The following TLK1 variants were observed in gnomAD, a reference collection of about 807,000 sequenced individuals.
TLK1 encodes tousled like kinase 1, also known as serine/threonine-protein kinase tousled-like 1.
TLK1 carries 24 observed loss-of-function variants against 105.3 expected under a neutral mutation model. The ratio of observed to expected loss-of-function variants is 0.23; its 90% confidence interval spans 0.17 to 0.32. The LOEUF (loss-of-function observed/expected upper bound fraction) is 0.32. TLK1 is among the 10% of genes least tolerant of loss of function. TLK1 has a pLI of 1.00. For synonymous variants in TLK1, 321 were observed against 310.4 expected (o/e 1.03, Z -0.36); for missense variants, 558 against 910.5 (o/e 0.61, Z 4.98).
chr2:171,181,821 C>T lies in TLK1; in HGVS notation c.-6+49324G>A, dbSNP rs992171065. On this transcript the variant is annotated intron_variant, in intron 1 of 20. Coordinates refer to the TLK1 transcript ENST00000521943. The stretch of plus-strand genomic sequence containing the variant: ...AGGGATCAAATTTCAATGTGAGATT[C>T]GAAGGGGTAGAGCATTCAAACTACG... Among the ~76,000 whole-genome samples the T allele has an allele frequency of 2.0e-5, 3 of 152,072 alleles. No homozygotes were observed. In the East Asian group the frequency reaches 5.8e-4, roughly 29 times the overall value.
intron 1 of TLK1, chr2:171,155,793 T>A (rs1325895274): frequency 1.3e-5 from 2 of 152,210 alleles, no homozygotes; most frequent in African/African-American, 4.8e-5. Context: ...CTAGTTGTCA[T>A]ACAGTTCTTA....
intron 20 of TLK1, among the ~76,000 whole-genome samples, chr2:170,995,155 G>A (rs1169053341): frequency 6.6e-6 from 1 of 151,914 alleles, no homozygotes. Context: ...AAATGATTAA[G>A]AGGGAAAAAA....
At chr2:171,096,503 T>C (rs1322392211) in intron 2 of TLK1, among the ~76,000 whole-genome samples, 1 of 152,164 alleles carries the variant, frequency 6.6e-6, no homozygotes, top group African/African-American at 2.4e-5. Flanking sequence ...ATGCCTGTAA[T>C]CCCAGCACAT....
At chr2:171,117,666 A>C in intron 2 of TLK1, 73 bp downstream of exon 2, 1 of 1,173,592 alleles carries the variant, frequency 8.5e-7, no homozygotes, top group South Asian at 1.4e-5. Flanking sequence ...GTTATGTAGG[A>C]ATCCTTTACA....
At chr2:171,195,256 C>T (rs938025917) in intron 1 of TLK1, among the ~76,000 whole-genome samples, 8 of 152,128 alleles carry the variant, frequency 5.3e-5, no homozygotes, top group Non-Finnish European at 1.2e-4. Context: ...GTAATCCCAG[C>T]ACTTTGGAAG....
At chr2:170,995,871 T>G (rs1381424736) in intron 20 of TLK1, among the ~76,000 whole-genome samples, 1 of 152,066 alleles carries the variant, frequency 6.6e-6, no homozygotes, top group Admixed American at 6.5e-5. Flanking sequence ...CCGGGCTAAT[T>G]TTTGTATTTT....
chr2:171,160,559 C>T lies in TLK1; in HGVS notation c.-131G>A. On this transcript the variant is annotated 5_prime_UTR_variant, in exon 1 of 21. Coordinates refer to ENST00000431350, the MANE Select transcript of TLK1 (RefSeq NM_012290.5). This position sits in a 1 kb window ranked among gnomAD's most constrained non-coding sequence, Gnocchi z 4.4. Reference sequence around the variant, plus strand: ...AGAGCGAGGGCTGGGAGGGGAGAGTCAAGGGGATGGGGGAGGAAACCGAGA... The same window carrying T: ...AGAGCGAGGGCTGGGAGGGGAGAGTTAAGGGGATGGGGGAGGAAACCGAGA... 2 of 1,352,340 alleles carry T rather than the reference C, an allele frequency of 1.5e-6. No homozygotes were observed. Among genetic ancestry groups the T allele is most frequent in the South Asian group, 1.4e-5 (1 of 71,552 alleles). 83.8% of individuals were successfully genotyped at this position (1,352,340 alleles called of 1,614,324 possible). A position where few individuals can be genotyped will look rare whatever the true frequency, so the allele number is the denominator to read the frequency against.
intron 2 of TLK1, among the ~76,000 whole-genome samples, chr2:171,099,503 T>C (rs778425082): frequency 2.6e-5 from 4 of 152,074 alleles, no homozygotes; most frequent in Non-Finnish European, 5.9e-5. Context: ...AATTGACAAA[T>C]TGATCATAAA....
At chr2:171,120,598 T>C (rs1690614861) in intron 1 of TLK1, among the ~76,000 whole-genome samples, 1 of 152,220 alleles carries the variant, frequency 6.6e-6, no homozygotes, top group Admixed American at 6.5e-5. Flanking sequence ...CACCACTTCA[T>C]ACCCATTAGG....
chr2:171,122,884 CA>C (rs1285317863), intron 1 of TLK1, among the ~76,000 whole-genome samples: 4 of 151,646 alleles, frequency 2.6e-5, no homozygotes, highest in Non-Finnish European at 4.4e-5. Context: ...ACTAAAAACA[CA>C]AAAATTAGCC....
chr2:170,997,886 A>C, intron 18 of TLK1, 63 bp from the exon 19 acceptor site: 1 of 1,029,414 alleles, frequency 9.7e-7, no homozygotes, highest in Non-Finnish European at 1.4e-6. Context: ...AAATCTTCTA[A>C]GTGTAAAATC....
chr2:171,065,075 A>T (rs183902888), intron 3 of TLK1, among the ~76,000 whole-genome samples: 93 of 152,318 alleles, frequency 6.1e-4, no homozygotes, highest in Non-Finnish European at 9.4e-4. Flanking sequence ...AAGACCAAAC[A>T]TAAGAACACA....
chr2:171,026,194 T>C (rs1685764966), intron 12 of TLK1, among the ~76,000 whole-genome samples: 1 of 152,098 alleles, frequency 6.6e-6, no homozygotes, highest in Non-Finnish European at 1.5e-5. Flanking sequence ...AAAGAGTAAG[T>C]AAATACGAAA....
intron 2 of TLK1, among the ~76,000 whole-genome samples, chr2:171,095,858 A>C (rs934771019): frequency 5.3e-5 from 8 of 152,176 alleles, no homozygotes; most frequent in Non-Finnish European, 1.2e-4. Flanking sequence ...GGTATAGAAG[A>C]AATGTACCCA....
At chr2:171,088,653 T>C (rs1053262387) in intron 2 of TLK1, among the ~76,000 whole-genome samples, 2 of 152,100 alleles carry the variant, frequency 1.3e-5, no homozygotes, top group Admixed American at 6.5e-5. Flanking sequence ...CAGAATGGCA[T>C]TGGAGTGTGC....
intron 1 of TLK1, among the ~76,000 whole-genome samples, chr2:171,145,659 AT>A (rs1186828269): frequency 6.6e-6 from 1 of 152,198 alleles, no homozygotes; most frequent in East Asian, 1.9e-4. Flanking sequence ...TAATACCATT[AT>A]TAATATTTTG....
chr2:171,170,496 G>A (rs573690911), intron 1 of TLK1, among the ~76,000 whole-genome samples: 1 of 152,302 alleles, frequency 6.6e-6, no homozygotes, highest in African/African-American at 2.4e-5. Context: ...ATAGGGCCAC[G>A]TTATTGGGTA....
At chr2:171,049,202 CA>C (rs1575551412) in intron 10 of TLK1, among the ~76,000 whole-genome samples, 3 of 152,230 alleles carry the variant, frequency 2.0e-5, no homozygotes, top group East Asian at 3.9e-4. Flanking sequence ...GTGGTGGGTT[CA>C]ATTGTACCCC....
At chr2:171,165,249 G>A (rs190118986), upstream of TLK1, among the ~76,000 whole-genome samples, 392 of 152,306 alleles carry the variant, frequency 2.6e-3, no homozygotes, top group African/African-American at 9.0e-3. Context: ...CGTTCTGAGT[G>A]CTCCATGAGG....
Sources: allele counts gnomAD v4.1 joint callset (sites outside exome capture counted in the v4.1 genomes callset), GRCh38; gene constraint gnomAD v4.1.1; non-coding constraint Gnocchi (gnomAD v3.1); transcripts MANE v1.5; gene names NCBI Gene and HGNC (gene_info 2026-07-23, HGNC 2026-07-21).